Variants in DNAH11 observed in about 807,000 individuals in gnomAD.
DNAH11 encodes axonemal beta dynein heavy chain 11.
In DNAH11, 442 loss-of-function variants were observed where a neutral mutation model predicts 526.0. The observed-to-expected ratio is 0.84, with a 90% CI of 0.78 to 0.91. The LOEUF is 0.91. Among genes scored for constraint, DNAH11 ranks in the 40% least tolerant of loss-of-function variants. The pLI is 0.00. For missense variants in DNAH11, 6,989 were observed against 5,448.7 expected (o/e 1.28, Z -8.90); for synonymous variants, 2,461 against 1,935.9 (o/e 1.27, Z -7.12).
chr7:21,879,432 A>T (rs61296804), intron 74 of DNAH11, among the ~76,000 whole-genome samples: 5,775 of 152,002 alleles, frequency 0.038, 371 homozygotes, highest in African/African-American at 0.13. Flanking sequence ...TGACAGAGCA[A>T]GACTCCATCT....
chr7:21,789,651 T>A (rs1174518289), intron 61 of DNAH11, among the ~76,000 whole-genome samples: 2 of 152,132 alleles, frequency 1.3e-5, no homozygotes, highest in Non-Finnish European at 2.9e-5. Context: ...CTATCTGGCT[T>A]ATATCTTGGC....
At position 21,698,233 on chromosome 7, in the gene DNAH11, GT is replaced by G. The variant is rs1783931576; in HGVS notation, c.6180+24del. ...AAGCAGGTGAGGGATCATTTGTTAC[GT>G]TTTCTTGTTTTTACATACCATTGAA... is the stretch of plus-strand genomic sequence containing the variant. On this transcript the variant is annotated intron_variant, in intron 36 of 81. Coordinates refer to ENST00000409508, the MANE Select transcript of DNAH11 (RefSeq NM_001277115.2). 7 of 1,610,900 alleles carry G rather than the reference GT, an allele frequency of 4.3e-6. No individual in the cohort carries two copies. The highest frequency in any genetic ancestry group is 5.9e-6 in the Non-Finnish European group (7 of 1,178,860).
chr7:21,897,935 T>TAAA (rs2128050898), intron 79 of DNAH11, among the ~76,000 whole-genome samples: 1 of 152,336 alleles, frequency 6.6e-6, no homozygotes, highest in South Asian at 2.1e-4. Context: ...GCTTTCATTT[T>TAAA]ATTGCTTTCA....
intron 56 of DNAH11, among the ~76,000 whole-genome samples, chr7:21,776,648 C>T (rs949630951): frequency 2.6e-5 from 4 of 152,316 alleles, no homozygotes; most frequent in Admixed American, 2.6e-4. Flanking sequence ...GCTTCCACGG[C>T]TTCAGTCACT....
chr7:21,774,032 T>C, intron 56 of DNAH11, 33 bp downstream of exon 56: 1 of 1,463,154 alleles, frequency 6.8e-7, no homozygotes, highest in Admixed American at 2.6e-5. Flanking sequence ...CTGAGTAATA[T>C]TTATGCTGTT....
At chr7:21,841,356 T>C (rs1583760173) in intron 65 of DNAH11, among the ~76,000 whole-genome samples, 1 of 152,286 alleles carries the variant, frequency 6.6e-6, no homozygotes, top group South Asian at 2.1e-4. Context: ...CTTAAAGAAC[T>C]GCAACATTTA....
chr7:21,727,449 G>A (rs1045250832), intron 45 of DNAH11, among the ~76,000 whole-genome samples: 1 of 152,168 alleles, frequency 6.6e-6, no homozygotes, highest in Non-Finnish European at 1.5e-5. Context: ...AAATGAATAT[G>A]TTTAATCTCG....
chr7:21,549,238 C>T (rs1347910799), intron 2 of DNAH11, among the ~76,000 whole-genome samples: 3 of 152,150 alleles, frequency 2.0e-5, no homozygotes, highest in African/African-American at 4.8e-5. Context: ...ATAGAGCCAA[C>T]ACAGTGCATT....
chr7:21,625,954 A>T (rs1309877395), intron 25 of DNAH11, among the ~76,000 whole-genome samples: 1 of 152,128 alleles, frequency 6.6e-6, no homozygotes, highest in Non-Finnish European at 1.5e-5. Context: ...TGCGTAAGAG[A>T]TGTACATAAT....
At position 21,807,978 on chromosome 7, in the gene DNAH11, G is replaced by T. The variant is rs770172153; in HGVS notation, c.10261G>T (p.Val3421Phe). Residue 3421 changes from valine (V) to phenylalanine (F), a missense_variant, in exon 63 of 82, where the codon GTC (valine) becomes TTC (phenylalanine). Val to Phe is a conservative substitution (Grantham distance 50). Transcript: ENST00000409508. ...TCTCACGGCGGCATTTGTGTCTTAC[G>T]TCGGACCCTTCACAAGGCAGTATCG... The part of the protein sequence containing the change: ...VLLTAAFVSY[V>F]GPFTRQYRQE... 3 of 1,603,286 alleles carry T rather than the reference G, an allele frequency of 1.9e-6. No homozygotes were observed. Among genetic ancestry groups the T allele is most frequent in the Admixed American group, 1.7e-5 (1 of 59,550 alleles).
At chr7:21,689,781 A>G (rs1195336338) in intron 34 of DNAH11, among the ~76,000 whole-genome samples, 2 of 152,178 alleles carry the variant, frequency 1.3e-5, no homozygotes, top group East Asian at 1.9e-4. Flanking sequence ...CTCTTTCATG[A>G]TGCAGACCCA....
At position 21,765,448 on chromosome 7, in the gene DNAH11, A is replaced by C; in HGVS notation, c.8961A>C (p.Pro2987=). Residue 2987 remains proline, a synonymous_variant, in exon 55 of 82, where the codon CCA becomes CCC. Coordinates refer to ENST00000409508, the MANE Select transcript of DNAH11 (RefSeq NM_001277115.2). ...LQLKIILCFS[P]VGRTLRVRAR... ...CACAGATCATTTTGTGTTTCTCTCC[A>C]GTTGGTCGCACGCTGAGAGTTAGAG... 1 of 1,613,742 alleles carries C rather than the reference A, an allele frequency of 6.2e-7. No individual in the cohort carries two copies. The highest frequency in any genetic ancestry group is 8.5e-7 in the Non-Finnish European group (1 of 1,179,774).
At chr7:21,743,538 T>C (rs1214469504) in intron 49 of DNAH11, among the ~76,000 whole-genome samples, 1 of 152,200 alleles carries the variant, frequency 6.6e-6, no homozygotes, top group African/African-American at 2.4e-5. Flanking sequence ...GAAAACTCCA[T>C]AGGACCTCTT....
At chr7:21,881,895 A>G (rs1783936632) in intron 75 of DNAH11, among the ~76,000 whole-genome samples, 2 of 152,144 alleles carry the variant, frequency 1.3e-5, no homozygotes, top group Non-Finnish European at 2.9e-5. Flanking sequence ...TTAATATGGT[A>G]TTTGATGTTC....
intron 66 of DNAH11, among the ~76,000 whole-genome samples, chr7:21,847,904 G>T (rs554932550): frequency 6.6e-6 from 1 of 152,226 alleles, no homozygotes; most frequent in Non-Finnish European, 1.5e-5. Flanking sequence ...AGTGGCTCAC[G>T]CCTGTAATCC....
intron 45 of DNAH11, among the ~76,000 whole-genome samples, chr7:21,726,459 T>TA (rs1026375938): frequency 4.7e-5 from 7 of 149,766 alleles, no homozygotes; most frequent in African/African-American, 7.4e-5. Flanking sequence ...GATCCCTTTT[T>TA]AAAAAAAAAG....
intron 77 of DNAH11, among the ~76,000 whole-genome samples, chr7:21,893,808 C>T (rs1463773212): frequency 2.0e-5 from 3 of 152,062 alleles, no homozygotes; most frequent in Non-Finnish European, 4.4e-5. Flanking sequence ...TTTAGGATGC[C>T]GTGGTTGGGA....
At chr7:21,739,182 T>C (rs1785759708) in intron 47 of DNAH11, among the ~76,000 whole-genome samples, 1 of 152,182 alleles carries the variant, frequency 6.6e-6, no homozygotes, top group African/African-American at 2.4e-5. Flanking sequence ...TTAAGAGAAA[T>C]TTGATCTTGT....
rs191786992 is a variant in DNAH11 at position 21,885,004 on chromosome 7, G to A, written c.12507+594G>A. Among the ~76,000 whole-genome samples the A allele has an allele frequency of 5.4e-4, 82 of 151,572 alleles. No homozygotes were observed. The South Asian group carries it at 8.8e-3, about 16-fold the overall frequency. On this transcript the variant is annotated intron_variant, in intron 76 of 81. Coordinates refer to ENST00000409508, the MANE Select transcript of DNAH11 (RefSeq NM_001277115.2). ...AATTAGCCTGATTTAACCATTCCACGATGTACACGTGTATCAAAACATCAC... is the reference window on the plus strand; with the variant it reads ...AATTAGCCTGATTTAACCATTCCACAATGTACACGTGTATCAAAACATCAC...
Sources: allele counts gnomAD v4.1 joint callset (sites outside exome capture counted in the v4.1 genomes callset), GRCh38; gene constraint gnomAD v4.1.1; transcripts MANE v1.5; gene names NCBI Gene and HGNC (gene_info 2026-07-23, HGNC 2026-07-21).